RBFOX1: variants seen among roughly 807,000 people sequenced by gnomAD.
RBFOX1 encodes the protein RNA binding protein fox-1 homolog 1.
Under a neutral mutation model 57.7 loss-of-function variants are expected in RBFOX1, and 8 were observed. The ratio of observed to expected loss-of-function variants is 0.14; its 90% CI spans 0.08 to 0.25. The LOEUF is 0.25. Ranked by LOEUF, RBFOX1 falls within the 10% of genes least tolerant of loss-of-function variation. The probability of loss-of-function intolerance (pLI) is 1.00; values close to 1 mark genes in which losing one functional copy is unlikely to be tolerated. For synonymous variants in RBFOX1, 326 were observed against 222.4 expected (o/e 1.47, Z -4.15); for missense variants, 611 against 548.5 (o/e 1.11, Z -1.14).
At chr16:5,711,113 G>T (rs2051472078) in intron 3 of RBFOX1, among the ~76,000 whole-genome samples, 1 of 152,186 alleles carries the variant, frequency 6.6e-6, no homozygotes, top group Admixed American at 6.5e-5. Context: ...CATAATTGCA[G>T]ACAAGAGAGA....
chr16:7,391,222 T>C (rs2098011349), intron 4 of RBFOX1, among the ~76,000 whole-genome samples: 3 of 152,144 alleles, frequency 2.0e-5, no homozygotes, highest in Non-Finnish European at 2.9e-5. Context: ...GTTAATCCCA[T>C]GGGGTGGATT....
chr16:6,956,931 C>T (rs1262902367), intron 3 of RBFOX1, among the ~76,000 whole-genome samples: 1 of 151,820 alleles, frequency 6.6e-6, no homozygotes, highest in African/African-American at 2.4e-5. Flanking sequence ...AGATCCAGAC[C>T]CCAAGTGAGA....
intron 7 of RBFOX1, among the ~76,000 whole-genome samples, chr16:7,593,931 C>A (rs2094564739): frequency 6.6e-6 from 1 of 152,144 alleles, no homozygotes. Flanking sequence ...TGAGCCTATT[C>A]CGACTGTTGA....
At position 7,529,486 on chromosome 16, in the gene RBFOX1, G is replaced by A. The variant is rs553978699; in HGVS notation, c.270+11097G>A. Among the ~76,000 whole-genome samples, 6 of 152,232 alleles carry A rather than the reference G, an allele frequency of 3.9e-5. No individual in the cohort carries two copies. The South Asian group carries it at 1.2e-3, about 32-fold the overall frequency. ...AACAAATTTCCTGTCCACAGGATGT[G>A]GTCCCTATCCATCCATCCAATCATT... On this transcript the variant is annotated intron_variant, in intron 5 of 15. Coordinates refer to ENST00000550418, the MANE Select transcript of RBFOX1 (RefSeq NM_018723.4).
intron 4 of RBFOX1, among the ~76,000 whole-genome samples, chr16:7,227,188 T>C (rs1044653652): frequency 1.3e-5 from 2 of 152,062 alleles, no homozygotes; most frequent in East Asian, 3.9e-4. Context: ...GCCTATGCAA[T>C]GTGTCATTCC....
At chr16:7,238,964 A>G (rs776332443) in intron 4 of RBFOX1, among the ~76,000 whole-genome samples, 3 of 152,182 alleles carry the variant, frequency 2.0e-5, no homozygotes, top group Non-Finnish European at 2.9e-5. Context: ...CCTGCAAAGG[A>G]CATGATCTTG....
In RBFOX1 at chr16:7,618,392, C is replaced by G. The variant is rs188388980; in HGVS notation, c.676+11054C>G. Among the ~76,000 whole-genome samples the G allele has an allele frequency of 3.6e-3, 541 of 152,240 alleles. 3 individuals are homozygous for G. The highest frequency in any genetic ancestry group is 0.013 in the African/African-American group (521 of 41,544). On this transcript the variant is annotated intron_variant, in intron 10 of 15. Coordinates refer to ENST00000550418, the MANE Select transcript of RBFOX1 (RefSeq NM_018723.4). ...GGGAGACTTAGGAGCAGATTATCAA[C>G]TGTTCAGCAACCCTGCAGATTGGGT...
chr16:7,154,870 C>T (rs2076781691), intron 4 of RBFOX1, among the ~76,000 whole-genome samples: 1 of 151,864 alleles, frequency 6.6e-6, no homozygotes, highest in Admixed American at 6.6e-5. Context: ...GTTATGAAAC[C>T]CACTTCATAG....
intron 4 of RBFOX1, among the ~76,000 whole-genome samples, chr16:7,256,478 C>A (rs1175926462): frequency 6.6e-6 from 1 of 152,196 alleles, no homozygotes; most frequent in African/African-American, 2.4e-5. Flanking sequence ...CACCAAGGAG[C>A]CTTTTTAGAC....
intron 3 of RBFOX1, among the ~76,000 whole-genome samples, chr16:6,755,401 G>A (rs1360263664): frequency 1.3e-5 from 2 of 152,156 alleles, no homozygotes; most frequent in South Asian, 2.1e-4. Context: ...CATTCTAACT[G>A]GTGTGAGATG....
chr16:6,301,666 T>C (rs1306184987), intron 1 of RBFOX1, among the ~76,000 whole-genome samples: 2 of 152,134 alleles, frequency 1.3e-5, no homozygotes, highest in Non-Finnish European at 2.9e-5. Flanking sequence ...CCAAAACTAC[T>C]CTTAAAAAAA....
At chr16:6,509,397 C>G (rs932599779) in intron 2 of RBFOX1, among the ~76,000 whole-genome samples, 2 of 152,150 alleles carry the variant, frequency 1.3e-5, no homozygotes, top group Admixed American at 6.5e-5. Flanking sequence ...ATAGATGGAA[C>G]TGGAGGTCAT....
At chr16:7,084,218 G>T (rs572516299) in intron 4 of RBFOX1, among the ~76,000 whole-genome samples, 14 of 152,084 alleles carry the variant, frequency 9.2e-5, no homozygotes, top group Non-Finnish European at 2.1e-4. Flanking sequence ...ACAGAACACT[G>T]TGCTGGTCAA....
chr16:7,483,157 C>T (rs977120434), intron 4 of RBFOX1, among the ~76,000 whole-genome samples: 2 of 152,152 alleles, frequency 1.3e-5, no homozygotes, highest in South Asian at 2.1e-4. Flanking sequence ...GAATTGGGAT[C>T]GCAGAGCAGT....
chr16:7,348,907 A>T (rs1372848427), intron 4 of RBFOX1, among the ~76,000 whole-genome samples: 1 of 152,042 alleles, frequency 6.6e-6, no homozygotes, highest in African/African-American at 2.4e-5. Flanking sequence ...ACGCCACTGC[A>T]CTCCAGCCTG....
At chr16:6,587,904 G>A (rs1327287650) in intron 2 of RBFOX1, among the ~76,000 whole-genome samples, 1 of 152,134 alleles carries the variant, frequency 6.6e-6, no homozygotes, top group Non-Finnish European at 1.5e-5. Context: ...AACAACTCAT[G>A]CCTAAAGGCT....
chr16:6,735,161 A>G (rs1438070801), intron 3 of RBFOX1, among the ~76,000 whole-genome samples: 3 of 137,518 alleles, frequency 2.2e-5, no homozygotes, highest in East Asian at 3.9e-4. Context: ...CAAAAACAAC[A>G]ACAACATCAA....
intron 4 of RBFOX1, among the ~76,000 whole-genome samples, chr16:7,106,972 C>T (rs1306410571): frequency 3.6e-5 from 4 of 112,558 alleles, no homozygotes; most frequent in African/African-American, 1.4e-4. Context: ...CCCATGTAAG[C>T]CACACAGTTA....
intron 4 of RBFOX1, among the ~76,000 whole-genome samples, chr16:7,488,566 T>A (rs1349390300): frequency 9.4e-6 from 1 of 106,030 alleles, no homozygotes; most frequent in African/African-American, 2.7e-5. Flanking sequence ...CAATCCATCA[T>A]ATGTTTATCC....
Sources: allele counts gnomAD v4.1 joint callset (sites outside exome capture counted in the v4.1 genomes callset), GRCh38; gene constraint gnomAD v4.1.1; transcripts MANE v1.5; gene names NCBI Gene and HGNC (gene_info 2026-07-23, HGNC 2026-07-21).